The following ITGAV variants were observed in gnomAD, a reference collection of about 807,000 sequenced individuals.
The protein encoded by ITGAV is integrin subunit alpha V.
In ITGAV, 76 loss-of-function variants were observed where a neutral mutation model predicts 143.8. The ratio of observed to expected loss-of-function variants is 0.53; its 90% CI spans 0.44 to 0.64. The LOEUF is 0.64. Ranked by LOEUF, ITGAV falls within the 30% of genes least tolerant of loss-of-function variation. ITGAV has a pLI of 0.00. For missense variants in ITGAV, 1,193 were observed against 1,274.7 expected (o/e 0.94, Z 0.98); for synonymous variants, 453 against 446.7 (o/e 1.01, Z -0.18).
rs192176106 is a variant in ITGAV, at chr2:186,665,400, G to T, written c.2166+182G>T. On this transcript the variant is annotated intron_variant, in intron 21 of 29. Coordinates refer to ENST00000261023, the MANE Select transcript of ITGAV (RefSeq NM_002210.5). ...TTTTAACTAAGATACGAAAACAATT[G>T]GTTGTGCTCCTACACGGTTTGCAAT... is the stretch of plus-strand genomic sequence containing the variant. Among the ~76,000 whole-genome samples, 7 of 152,288 alleles carry T rather than the reference G, an allele frequency of 4.6e-5. No homozygotes were observed. The East Asian group carries it at 1.4e-3, about 29-fold the overall frequency.
At position 186,633,380 on chromosome 2, in the gene ITGAV, T is replaced by C. The variant is rs9333289; in HGVS notation, c.631+6T>C. 399,354 of 1,539,620 alleles carry C rather than the reference T, an allele frequency of 0.26. 55,079 individuals carry two copies. Among genetic ancestry groups the C allele is most frequent in the Middle Eastern group, 0.31 (1,801 of 5,814 alleles). On this transcript the variant is annotated splice_donor_region_variant and intron_variant, in intron 6 of 29. Transcript: ENST00000261023. The stretch of plus-strand genomic sequence containing the variant: ...TGGTAGCTTTTATTGGCAAGGTAGG[T>C]TAATATTTTTTAAATTACAATTGGT...
At chr2:186,609,790 C>G (rs548305925) in intron 2 of ITGAV, among the ~76,000 whole-genome samples, 1 of 75,588 alleles carries the variant, frequency 1.3e-5, no homozygotes, top group Non-Finnish European at 3.2e-5. Context: ...TCCATGTGCC[C>G]TACATATATA....
At chr2:186,614,373 G>C (rs1335166121) in intron 2 of ITGAV, among the ~76,000 whole-genome samples, 2 of 151,970 alleles carry the variant, frequency 1.3e-5, no homozygotes, top group Admixed American at 6.5e-5. Context: ...TCTGTCTCCT[G>C]TTGGACATTC....
intron 17 of ITGAV, among the ~76,000 whole-genome samples, chr2:186,658,772 TTGAG>T (rs1325203334): frequency 8.5e-5 from 12 of 140,592 alleles, no homozygotes; most frequent in Admixed American, 8.2e-4. Context: ...GTGTGTGTGT[TTGAG>T]TGCTCATGTT....
At chr2:186,623,032 T>C (rs543572463) in intron 3 of ITGAV, among the ~76,000 whole-genome samples, 31 of 152,194 alleles carry the variant, frequency 2.0e-4, no homozygotes, top group Non-Finnish European at 4.0e-4. Flanking sequence ...TTCCTCTCTT[T>C]GAAAATACGA....
At chr2:186,675,497 A>G in intron 26 of ITGAV, 107 bp from the exon 27 acceptor site, 1 of 725,404 alleles carries the variant, frequency 1.4e-6, no homozygotes, top group Non-Finnish European at 2.4e-6. Flanking sequence ...AAGAATCTGG[A>G]TAATCTCTTT....
intron 19 of ITGAV, 89 bp from the exon 20 acceptor site, chr2:186,664,405 T>C (rs1688829544): frequency 8.1e-7 from 1 of 1,235,960 alleles, no homozygotes. Context: ...ATGTCAGTGC[T>C]GTGTATTTAT....
At chr2:186,608,918 T>A (rs1299452269) in intron 2 of ITGAV, among the ~76,000 whole-genome samples, 1 of 152,232 alleles carries the variant, frequency 6.6e-6, no homozygotes, top group Non-Finnish European at 1.5e-5. Context: ...TGGATTTTAT[T>A]GTTGCTGGTA....
At chr2:186,591,463 C>T (rs748490121) in intron 1 of ITGAV, among the ~76,000 whole-genome samples, 1 of 152,030 alleles carries the variant, frequency 6.6e-6, no homozygotes, top group African/African-American at 2.4e-5. Context: ...ATCTTGTTTT[C>T]AAGAGAGAAA....
In ITGAV at chr2:186,590,267, C is replaced by A; in HGVS notation, c.-72C>A. Reference sequence around the variant, plus strand: ...GCGCGCGCAGGCGGCGGGCCGCGGGCACTGGGCGCCTCGCTGGGGCGGGGG... The same window carrying A: ...GCGCGCGCAGGCGGCGGGCCGCGGGAACTGGGCGCCTCGCTGGGGCGGGGG... On this transcript the variant is annotated 5_prime_UTR_variant, in exon 1 of 30. Coordinates refer to ENST00000261023, the MANE Select transcript of ITGAV (RefSeq NM_002210.5). The A allele has an allele frequency of 2.3e-6, 3 of 1,282,564 alleles. No homozygotes were observed. Among genetic ancestry groups the A allele is most frequent in the Admixed American group, 4.1e-5 (1 of 24,244 alleles). 79.4% of individuals were successfully genotyped at this position (1,282,564 alleles called of 1,614,324 possible).
intron 1 of ITGAV, among the ~76,000 whole-genome samples, chr2:186,599,534 G>A (rs992769389): frequency 6.6e-6 from 1 of 152,126 alleles, no homozygotes; most frequent in Non-Finnish European, 1.5e-5. Flanking sequence ...CACCCAGGCT[G>A]TTTGCTTACT....
rs751693717 is a variant in ITGAV at position 186,668,717 on chromosome 2, A to AGG, written c.2434-44_2434-43insGG. Reference sequence around the variant, plus strand: ...TGATGTAGGGGAAGGATTATGGAACAGATTTTTGCCCAAGGTGTAGATACA... The same window carrying AGG: ...TGATGTAGGGGAAGGATTATGGAACAGGGATTTTTGCCCAAGGTGTAGATACA... On this transcript the variant is annotated intron_variant, in intron 24 of 29. Transcript: ENST00000261023. 1,887 of 1,575,312 alleles carry AGG rather than the reference A, an allele frequency of 1.2e-3. 1 individual carries two copies. The highest frequency in any genetic ancestry group is 1.5e-3 in the Non-Finnish European group (1,779 of 1,154,672).
Position 186,654,669 on chromosome 2 carries a change from T to A in ITGAV, c.1525T>A (p.Leu509Ile). ...CCACAGTTTTAATGTTAGGTTCTGC[T>A]TAAAGGCAGATGGCAAAGGAGTACT... is the stretch of plus-strand genomic sequence containing the variant. Reference protein sequence around the residue: ...KVSCFNVRFCLKADGKGVLPR... With the variant: ...KVSCFNVRFCIKADGKGVLPR... Residue 509 changes from leucine to isoleucine, a missense_variant, in exon 16 of 30, where the codon TTA (leucine) becomes ATA (isoleucine). Coordinates refer to ENST00000261023, the MANE Select transcript of ITGAV (RefSeq NM_002210.5). 1 of 1,554,632 alleles carries A rather than the reference T, an allele frequency of 6.4e-7. No individual in the cohort carries two copies. The highest frequency in any genetic ancestry group is 8.8e-7 in the Non-Finnish European group (1 of 1,132,224).
At chr2:186,643,563 C>A (rs1688167292) in intron 12 of ITGAV, among the ~76,000 whole-genome samples, 2 of 152,054 alleles carry the variant, frequency 1.3e-5, no homozygotes, top group African/African-American at 4.8e-5. Context: ...TGTCATTGTT[C>A]CTGTATTCCT....
At chr2:186,655,385 A>T (rs549227059) in intron 16 of ITGAV, among the ~76,000 whole-genome samples, 1 of 152,286 alleles carries the variant, frequency 6.6e-6, no homozygotes, top group South Asian at 2.1e-4. Context: ...TTTTCAGTAG[A>T]GACCTGAAGG....
Position 186,659,188 on chromosome 2 carries a change from G to T in ITGAV, c.1857+13G>T. 6.6e-7 allele frequency: 1 copy of T among 1,504,324 alleles called. No homozygotes were observed. Among genetic ancestry groups the T allele is most frequent in the Non-Finnish European group, 8.9e-7 (1 of 1,126,550 alleles). 93.2% of individuals were successfully genotyped at this position (1,504,324 alleles called of 1,614,324 possible). A position where few individuals can be genotyped will look rare whatever the true frequency, so the allele number is the denominator to read the frequency against. ...CATTAGTCGACAGGTACTGTACTCA[G>T]TTTACCACTAATGTGATATTTTGTT... On this transcript the variant is annotated intron_variant, in intron 18 of 29. Transcript: ENST00000261023.
chr2:186,622,394 T>G lies in ITGAV; in HGVS notation c.372T>G (p.Phe124Leu). 6.2e-7 allele frequency: 1 copy of G among 1,613,838 alleles called. No individual in the cohort carries two copies. The highest frequency in any genetic ancestry group is 1.1e-5 in the South Asian group (1 of 91,056). The stretch of plus-strand genomic sequence containing the variant: ...TGGAATTTAAGTCCCATCAGTGGTT[T>G]GGAGCATCTGTGAGGTCGAAACAGG... ...DPLEFKSHQW[F>L]GASVRSKQDK... Residue 124 changes from phenylalanine to leucine, a missense_variant, in exon 3 of 30, where the codon TTT (phenylalanine) becomes TTG (leucine). Transcript: ENST00000261023.
rs1293769507 is a variant in ITGAV at position 186,600,401 on chromosome 2, C to T, written c.186-1620C>T. The T allele has an allele frequency of 5.3e-6, 8 of 1,512,928 alleles. No individual in the cohort carries two copies. In the Admixed American group the frequency reaches 1.6e-4, roughly 30 times the overall value. The allele number at this position is 1,512,928 out of a possible 1,614,324, so 93.7% of individuals were successfully genotyped here. A position where few individuals can be genotyped will look rare whatever the true frequency, so the allele number is the denominator to read the frequency against. ...GTTGTGGTGAGTTCCTTAGAAATAA[C>T]TTCTCTGTCTACTTTATCTAAAAGA... On this transcript the variant is annotated intron_variant, in intron 1 of 29. Transcript: ENST00000261023.
chr2:186,652,140 T>A, intron 15 of ITGAV, 51 bp downstream of exon 15: 1 of 1,124,550 alleles, frequency 8.9e-7, no homozygotes, highest in Non-Finnish European at 1.3e-6. Flanking sequence ...TGTTCAGGCA[T>A]TGTAAGAACA....
Sources: allele counts gnomAD v4.1 joint callset (sites outside exome capture counted in the v4.1 genomes callset), GRCh38; gene constraint gnomAD v4.1.1; transcripts MANE v1.5; gene names NCBI Gene and HGNC (gene_info 2026-07-23, HGNC 2026-07-21).